SYT1: variants seen among roughly 807,000 people sequenced by gnomAD.
SYT1 encodes the protein synaptotagmin 1.
SYT1 carries 8 observed loss-of-function variants against 44.8 expected under a neutral mutation model. The observed-to-expected ratio is 0.18, with a 90% CI of 0.10 to 0.32. The LOEUF is 0.32. SYT1 is among the 10% of genes least tolerant of loss of function. The probability of loss-of-function intolerance (pLI) is 1.00; values close to 1 mark genes in which losing one functional copy is unlikely to be tolerated. For synonymous variants in SYT1, 154 were observed against 188.8 expected, an observed-to-expected ratio of 0.82 and a Z score of 1.51; for missense variants, 286 against 509.3, an observed-to-expected ratio of 0.56 and a Z score of 4.22.
At chr12:79,224,361 A>G (rs1875358794) in intron 4 of SYT1, among the ~76,000 whole-genome samples, 1 of 152,232 alleles carries the variant, frequency 6.6e-6, no homozygotes, top group African/African-American at 2.4e-5. Flanking sequence ...GATGTAAGGA[A>G]AAATATAATA....
intron 4 of SYT1, among the ~76,000 whole-genome samples, chr12:79,262,223 C>T (rs1354299694): frequency 6.6e-6 from 1 of 151,946 alleles, no homozygotes; most frequent in African/African-American, 2.4e-5. Context: ...TCCAAAGAAC[C>T]TATTTTGTTT....
intron 3 of SYT1, among the ~76,000 whole-genome samples, chr12:79,066,861 T>A (rs1278239325): frequency 6.6e-6 from 1 of 152,180 alleles, no homozygotes; most frequent in African/African-American, 2.4e-5. Context: ...ATTTTCCAAC[T>A]TGATCTCCAT....
chr12:79,347,536 G>T (rs1330903948), intron 8 of SYT1, among the ~76,000 whole-genome samples: 21 of 152,132 alleles, frequency 1.4e-4, no homozygotes, highest in Non-Finnish European at 2.9e-5. Flanking sequence ...CCAAAGAGGG[G>T]TTGATCTAAA....
intron 1 of SYT1, among the ~76,000 whole-genome samples, chr12:78,909,818 C>A (rs377063409): frequency 6.6e-6 from 1 of 151,960 alleles, no homozygotes; most frequent in African/African-American, 2.4e-5. Flanking sequence ...TTACTGCAAT[C>A]GAATACCATG....
At chr12:79,417,625 T>C (rs1157832573) in intron 9 of SYT1, among the ~76,000 whole-genome samples, 1 of 152,162 alleles carries the variant, frequency 6.6e-6, no homozygotes, top group East Asian at 1.9e-4. Context: ...CTTAGAATGC[T>C]CTGCAAGCCC....
At chr12:79,044,618 T>A (rs1431498087) in intron 2 of SYT1, among the ~76,000 whole-genome samples, 1 of 149,354 alleles carries the variant, frequency 6.7e-6, no homozygotes, top group African/African-American at 2.5e-5. Flanking sequence ...GAAGCCTTCT[T>A]CTCTCAGCTC....
At chr12:79,101,032 A>G (rs1349916638) in intron 3 of SYT1, among the ~76,000 whole-genome samples, 1 of 152,182 alleles carries the variant, frequency 6.6e-6, no homozygotes, top group Non-Finnish European at 1.5e-5. Flanking sequence ...AATGAAATAA[A>G]TAAGATTATT....
intron 9 of SYT1, among the ~76,000 whole-genome samples, chr12:79,377,123 T>C (rs1434507044): frequency 6.6e-6 from 1 of 152,218 alleles, no homozygotes; most frequent in African/African-American, 2.4e-5. Context: ...TTTTGTTTTG[T>C]TTTTTTGAGA....
chr12:78,899,081 A>G (rs1238610811), intron 1 of SYT1, among the ~76,000 whole-genome samples: 2 of 152,090 alleles, frequency 1.3e-5, no homozygotes, highest in African/African-American at 4.8e-5. Context: ...GATGTGGCAC[A>G]TTCTGCTGTA....
rs1324695349 is a variant in SYT1 at position 79,293,406 on chromosome 12, A to AAAATTAAATT, written c.474+1284_474+1285insTTAAATTAAA. On this transcript the variant is annotated intron_variant, in intron 6 of 10. Coordinates refer to ENST00000261205, the MANE Select transcript of SYT1 (RefSeq NM_005639.3). ...AAAATAAAATAAAATAAAATAAAAT[A>AAAATTAAATT]AAATTAAAAAATCTGTAAGACATAG... Among the ~76,000 whole-genome samples, 25 of 63,778 alleles carry AAAATTAAATT rather than the reference A, an allele frequency of 3.9e-4. No individual in the cohort carries two copies. In the East Asian group the frequency reaches 0.013, roughly 33 times the overall value. The allele number at this position is 63,778 out of a possible 152,430, so 41.8% of individuals were successfully genotyped here.
At chr12:79,313,797 T>C (rs1880931796) in intron 8 of SYT1, among the ~76,000 whole-genome samples, 1 of 152,128 alleles carries the variant, frequency 6.6e-6, no homozygotes, top group South Asian at 2.1e-4. Context: ...CTCACCTCCA[T>C]GAGTTGTGAC....
At chr12:79,252,681 C>T (rs1211621238) in intron 4 of SYT1, among the ~76,000 whole-genome samples, 2 of 152,170 alleles carry the variant, frequency 1.3e-5, no homozygotes, top group Non-Finnish European at 2.9e-5. Context: ...AACAGAAGTT[C>T]TACTGATCCA....
intron 3 of SYT1, among the ~76,000 whole-genome samples, chr12:79,127,627 A>G (rs1470388938): frequency 1.3e-5 from 2 of 152,064 alleles, no homozygotes; most frequent in African/African-American, 2.4e-5. Flanking sequence ...AATAGTGAAC[A>G]TGAAAATGAC....
intron 9 of SYT1, among the ~76,000 whole-genome samples, chr12:79,385,457 T>C (rs1191042424): frequency 9.8e-6 from 1 of 102,024 alleles, no homozygotes; most frequent in Non-Finnish European, 2.7e-5. Context: ...TTTATGTATA[T>C]TCATTGATTT....
intron 3 of SYT1, among the ~76,000 whole-genome samples, chr12:79,153,004 A>G (rs1456258484): frequency 6.6e-6 from 1 of 151,912 alleles, no homozygotes; most frequent in Non-Finnish European, 1.5e-5. Flanking sequence ...AATATTCAAG[A>G]CCCTTTAATT....
chr12:78,937,763 T>C (rs1482621099), intron 1 of SYT1, among the ~76,000 whole-genome samples: 1 of 152,204 alleles, frequency 6.6e-6, no homozygotes, highest in Non-Finnish European at 1.5e-5. Flanking sequence ...TGGAAAATTC[T>C]ATAGTGTGCT....
intron 3 of SYT1, among the ~76,000 whole-genome samples, chr12:79,176,371 G>T (rs1871868295): frequency 6.6e-6 from 1 of 152,068 alleles, no homozygotes; most frequent in Admixed American, 6.6e-5. Context: ...AGATTTTCAG[G>T]GGTGTAGGAG....
intron 9 of SYT1, among the ~76,000 whole-genome samples, chr12:79,355,869 A>G (rs1592995805): frequency 6.6e-6 from 1 of 152,234 alleles, no homozygotes; most frequent in Non-Finnish European, 1.5e-5. Context: ...ACATTTGTGG[A>G]TAAAACAGTG....
chr12:79,258,627 C>T (rs1313989905), intron 4 of SYT1, among the ~76,000 whole-genome samples: 1 of 151,982 alleles, frequency 6.6e-6, no homozygotes, highest in African/African-American at 2.4e-5. Context: ...AATAAAAAGT[C>T]TAAAAAATTC....
Sources: gnomAD v4.1 joint callset for allele counts (sites outside exome capture counted in the v4.1 genomes callset) on GRCh38, gnomAD v4.1.1 for gene constraint, MANE v1.5 for transcripts, NCBI Gene and HGNC (gene_info 2026-07-23, HGNC 2026-07-21) for gene names.